SNX6: variants seen among roughly 807,000 people sequenced by gnomAD.
SNX6 encodes the protein sorting nexin-6.
In SNX6, 34 loss-of-function variants were observed where a neutral mutation model predicts 63.0. The ratio of observed to expected loss-of-function variants is 0.54; its 90% CI spans 0.41 to 0.72. The LOEUF (loss-of-function observed/expected upper bound fraction) is 0.72, where lower values mean the gene tolerates loss of function less well. Among genes scored for constraint, SNX6 ranks in the 30% least tolerant of loss-of-function variants. The pLI is 0.00. For missense variants in SNX6, 398 were observed against 471.4 expected (o/e 0.84, Z 1.44); for synonymous variants, 170 against 164.2 (o/e 1.04, Z -0.27).
chr14:34,563,281 G>A (rs949348287), intron 13 of SNX6, 106 bp from the exon 14 acceptor site: 53 of 1,100,030 alleles, frequency 4.8e-5, no homozygotes, highest in East Asian at 7.9e-5. Flanking sequence ...GTTAGAAGCC[G>A]GGCGCGGTGG....
At chr14:34,583,503 G>A (rs1882028094) in intron 9 of SNX6, among the ~76,000 whole-genome samples, 2 of 149,626 alleles carry the variant, frequency 1.3e-5, no homozygotes, top group South Asian at 2.1e-4. Context: ...TATGGTCCCA[G>A]CTACCCAGGA....
At chr14:34,613,039 T>A (rs1382478037) in intron 2 of SNX6, among the ~76,000 whole-genome samples, 2 of 70,192 alleles carry the variant, frequency 2.8e-5, no homozygotes, top group African/African-American at 4.8e-5. Flanking sequence ...TGAGACTCTA[T>A]CCAAAAAAAA....
intron 10 of SNX6, among the ~76,000 whole-genome samples, chr14:34,581,304 TCACCACGCCCA>T (rs1881924042): frequency 6.6e-6 from 1 of 152,080 alleles, no homozygotes; most frequent in African/African-American, 2.4e-5. Flanking sequence ...TAGGCATGCG[TCACCACGCCCA>T]ACTAATTTTT....
chr14:34,592,526 A>C (rs891137996), intron 8 of SNX6, among the ~76,000 whole-genome samples: 18 of 152,162 alleles, frequency 1.2e-4, no homozygotes, highest in African/African-American at 4.3e-4. Flanking sequence ...ATGGTGAAAA[A>C]GGCAAAAACT....
intron 2 of SNX6, among the ~76,000 whole-genome samples, chr14:34,619,711 C>T (rs1370315835): frequency 6.6e-6 from 1 of 152,076 alleles, no homozygotes; most frequent in African/African-American, 2.4e-5. Context: ...CTCATCAACA[C>T]CTCCAGTCCT....
intron 6 of SNX6, among the ~76,000 whole-genome samples, chr14:34,601,785 G>A (rs1429725841): frequency 6.6e-6 from 1 of 150,680 alleles, no homozygotes; most frequent in African/African-American, 2.4e-5. Flanking sequence ...AGTACAGATG[G>A]GGTTTCACCA....
intron 13 of SNX6, among the ~76,000 whole-genome samples, chr14:34,565,935 C>T (rs890784162): frequency 3.9e-5 from 6 of 151,926 alleles, no homozygotes; most frequent in East Asian, 3.9e-4. Context: ...GTGATCCACC[C>T]GCCTCGGCCT....
chr14:34,596,953 T>C (rs1304137220), intron 7 of SNX6, among the ~76,000 whole-genome samples: 1 of 152,182 alleles, frequency 6.6e-6, no homozygotes, highest in Admixed American at 6.5e-5. Context: ...ATTACAGGCA[T>C]GGGCCACCTT....
At chr14:34,613,750 G>A (rs148868864) in intron 2 of SNX6, among the ~76,000 whole-genome samples, 22,246 of 151,864 alleles carry the variant, frequency 0.15, 1,739 homozygotes, top group East Asian at 0.17. Flanking sequence ...CCAAGATAGC[G>A]CCACTGCACT....
intron 11 of SNX6, chr14:34,568,636 T>G: frequency 5.4e-6 from 2 of 368,428 alleles, no homozygotes; most frequent in Non-Finnish European, 9.6e-6. Flanking sequence ...CTCAGCCTGT[T>G]TTTTTTTTTT....
intron 7 of SNX6, 61 bp downstream of exon 7, chr14:34,597,485 CTCAA>C (rs1882650270): frequency 1.0e-6 from 1 of 954,168 alleles, no homozygotes. Context: ...CATTTGAAAT[CTCAA>C]TCTATCTCCC....
In SNX6 at chr14:34,583,850, C is replaced by CTTTTT. The variant is rs67586044; in HGVS notation, c.795-2255_795-2251dup. ...AAGAATTAACTCTTTGGGAAGGTGG[C>CTTTTT]TTTTTTTTTTTTTTAAGACGGAGTT... On this transcript the variant is annotated intron_variant, in intron 9 of 13. Transcript: ENST00000362031. Among the ~76,000 whole-genome samples, 172 of 142,836 alleles carry CTTTTT rather than the reference C, an allele frequency of 1.2e-3. 3 individuals are homozygous for CTTTTT. The highest frequency in any genetic ancestry group is 7.7e-3 in the East Asian group (38 of 4,910). 93.7% of individuals were successfully genotyped at this position (142,836 alleles called of 152,430 possible).
chr14:34,576,397 A>AAAGAT (rs1233529460), intron 10 of SNX6, among the ~76,000 whole-genome samples: 1 of 33,972 alleles, frequency 2.9e-5, no homozygotes, highest in East Asian at 7.1e-4. Flanking sequence ...TGAACAGAAA[A>AAAGAT]AAGATCAAAT....
chr14:34,599,071 G>A (rs941957121), intron 6 of SNX6, among the ~76,000 whole-genome samples: 1 of 152,132 alleles, frequency 6.6e-6, no homozygotes, highest in East Asian at 1.9e-4. Context: ...CACCAGACAC[G>A]CAATCTGCTA....
intron 10 of SNX6, among the ~76,000 whole-genome samples, chr14:34,578,893 C>G (rs1186382362): frequency 8.0e-6 from 1 of 125,082 alleles, no homozygotes; most frequent in East Asian, 2.4e-4. Flanking sequence ...GAGCCAAGAT[C>G]GCGCCACTGC....
chr14:34,590,942 AGTT>A (rs1292353637), intron 8 of SNX6, among the ~76,000 whole-genome samples: 1 of 152,222 alleles, frequency 6.6e-6, no homozygotes, highest in African/African-American at 2.4e-5. Flanking sequence ...ATCTCAAAAT[AGTT>A]TTTTGAGTTT....
At position 34,605,634 on chromosome 14, in the gene SNX6, C is replaced by A; in HGVS notation, c.354G>T (p.Thr118=). The A allele has an allele frequency of 3.1e-6, 5 of 1,602,828 alleles. No homozygotes were observed. The highest frequency in any genetic ancestry group is 1.3e-5 in the African/African-American group (1 of 74,132). Residue 118 remains threonine (T), a synonymous_variant, in exon 5 of 14, where the codon ACG becomes ACT. Coordinates refer to ENST00000362031, the MANE Select transcript of SNX6 (RefSeq NM_152233.4). ...QKLGEGEGSM[T]KEEFTKMKQE... ...GTTTCATCTTTGTGAATTCTTCCTT[C>A]GTCATTGACCCTTCTCCTTCACCAA...
Position 34,604,392 on chromosome 14 carries a change from A to C in SNX6, c.393-921T>G, listed in dbSNP as rs769333888. 1.9e-4 allele frequency: 149 copies of C among 789,922 alleles called. 1 individual carries two copies. Among genetic ancestry groups the C allele is most frequent in the Middle Eastern group, 1.0e-3 (3 of 2,992 alleles). 48.9% of individuals were successfully genotyped at this position (789,922 alleles called of 1,614,324 possible). On this transcript the variant is annotated intron_variant, in intron 5 of 13. Coordinates refer to ENST00000362031, the MANE Select transcript of SNX6 (RefSeq NM_152233.4). The stretch of plus-strand genomic sequence containing the variant: ...AACTTTGAATATATATCTGTCTGCT[A>C]TCAGACCGCTGCTTGCAACTAAGAC...
At chr14:34,603,284 T>C (rs1380579042) in intron 6 of SNX6, 64 bp downstream of exon 6, 3 of 1,423,986 alleles carry the variant, frequency 2.1e-6, no homozygotes, top group Non-Finnish European at 2.8e-6. Flanking sequence ...AGATTCCGTC[T>C]CAAAAAAAAA....
Sources: allele counts gnomAD v4.1 joint callset (sites outside exome capture counted in the v4.1 genomes callset), GRCh38; gene constraint gnomAD v4.1.1; transcripts MANE v1.5; gene names NCBI Gene and HGNC (gene_info 2026-07-23, HGNC 2026-07-21).